CAMK4: variants seen among roughly 807,000 people sequenced by gnomAD.
CAMK4 encodes calcium/calmodulin-dependent protein kinase type IV.
CAMK4 carries 22 observed loss-of-function variants against 44.9 expected under a neutral mutation model. That is an observed-to-expected ratio of 0.49 (90% CI 0.35 to 0.70). The LOEUF (loss-of-function observed/expected upper bound fraction) is 0.70. Ranked by LOEUF, CAMK4 falls within the 30% of genes least tolerant of loss-of-function variation. The pLI is 0.01. For synonymous variants in CAMK4, 218 were observed against 215.4 expected (o/e 1.01, Z -0.11); for missense variants, 498 against 586.8 (o/e 0.85, Z 1.56).
At chr5:111,360,527 A>G (rs1185776312) in intron 2 of CAMK4, among the ~76,000 whole-genome samples, 1 of 152,114 alleles carries the variant, frequency 6.6e-6, no homozygotes, top group Non-Finnish European at 1.5e-5. Context: ...ATATCCTTTG[A>G]AACCGGACAG....
intron 9 of CAMK4, among the ~76,000 whole-genome samples, chr5:111,480,861 C>A (rs1251623969): frequency 1.3e-5 from 2 of 152,110 alleles, no homozygotes; most frequent in Non-Finnish European, 2.9e-5. Flanking sequence ...AGAGGGTTAG[C>A]TTTGATGTTC....
chr5:111,431,760 G>C (rs958857451), intron 5 of CAMK4, among the ~76,000 whole-genome samples: 2 of 152,032 alleles, frequency 1.3e-5, no homozygotes, highest in Non-Finnish European at 2.9e-5. Context: ...ATATGAAAAA[G>C]TACTCAACAT....
chr5:111,351,352 A>T (rs1212380767), intron 2 of CAMK4, among the ~76,000 whole-genome samples: 5 of 151,762 alleles, frequency 3.3e-5, no homozygotes, highest in Non-Finnish European at 7.4e-5. Flanking sequence ...ACAGGTACAC[A>T]TGTGTGCATA....
intron 1 of CAMK4, among the ~76,000 whole-genome samples, chr5:111,308,362 A>G (rs1380760341): frequency 1.3e-5 from 2 of 152,220 alleles, no homozygotes; most frequent in Non-Finnish European, 2.9e-5. Flanking sequence ...GGGCTCAGAA[A>G]TCCAAATATA....
rs535218431 is a variant in CAMK4, at chr5:111,368,901, T to C, written c.241-5949T>C. Reference sequence around the variant, plus strand: ...ATTCAGAGAAGCAGAAATGAGACTATATTGACATTTTTCTTTCATTTAAAT... The same window carrying C: ...ATTCAGAGAAGCAGAAATGAGACTACATTGACATTTTTCTTTCATTTAAAT... On this transcript the variant is annotated intron_variant, in intron 2 of 10. Coordinates refer to ENST00000282356, the MANE Select transcript of CAMK4 (RefSeq NM_001744.6). 5.7e-4 allele frequency among the ~76,000 whole-genome samples: 86 copies of C among 152,072 alleles called. 1 individual carries two copies. The highest frequency in any genetic ancestry group is 2.0e-3 in the African/African-American group (84 of 41,530).
intron 1 of CAMK4, among the ~76,000 whole-genome samples, chr5:111,280,497 A>G (rs1316135463): frequency 5.3e-5 from 8 of 152,212 alleles, no homozygotes; most frequent in African/African-American, 1.9e-4. Context: ...CTGCTTCTCT[A>G]TCATGCTGCC....
At chr5:111,353,947 TATCAAAATTCC>T (rs539532239) in intron 2 of CAMK4, among the ~76,000 whole-genome samples, 80 of 152,204 alleles carry the variant, frequency 5.3e-4, no homozygotes, top group African/African-American at 1.7e-3. Flanking sequence ...GTGCAATCCC[TATCAAAATTCC>T]AGTGAATCCA....
intron 5 of CAMK4, among the ~76,000 whole-genome samples, chr5:111,421,882 A>G (rs1353923335): frequency 3.3e-5 from 5 of 152,158 alleles, no homozygotes; most frequent in African/African-American, 1.2e-4. Flanking sequence ...ATGATAGTGA[A>G]TAAGTCTCAC....
upstream of CAMK4, chr5:111,223,766 G>C (rs1748029631): frequency 6.5e-6 from 1 of 152,686 alleles, no homozygotes; most frequent in Non-Finnish European, 1.5e-5. This position sits in a 1 kb window ranked among gnomAD's most constrained non-coding sequence, Gnocchi z 4.3. Context: ...ACTGGGTCCA[G>C]GCACAGGAGC....
intron 5 of CAMK4, among the ~76,000 whole-genome samples, chr5:111,416,974 C>G (rs1406154121): frequency 6.6e-6 from 1 of 152,088 alleles, no homozygotes; most frequent in Non-Finnish European, 1.5e-5. Flanking sequence ...TTCCAAAAGA[C>G]TAGTCATGAT....
chr5:111,401,234 G>A (rs575625557), intron 5 of CAMK4, among the ~76,000 whole-genome samples: 4 of 152,262 alleles, frequency 2.6e-5, no homozygotes, highest in Non-Finnish European at 5.9e-5. Context: ...TGCCTCCTGG[G>A]TTCAAGCAGT....
chr5:111,394,794 G>A lies in CAMK4; in HGVS notation c.459+12G>A. ...TGGAGGCAGTTGCTGTAAGTATGAA[G>A]TAACAGCAATGGTGTAACTCTTAGT... On this transcript the variant is annotated intron_variant, in intron 5 of 10. Coordinates refer to ENST00000282356, the MANE Select transcript of CAMK4 (RefSeq NM_001744.6). 4 of 1,554,938 alleles carry A rather than the reference G, an allele frequency of 2.6e-6. No homozygotes were observed. The South Asian group carries it at 4.5e-5, about 17-fold the overall frequency.
In CAMK4 at chr5:111,282,417, A is replaced by G. The variant is rs57810064; in HGVS notation, c.161+57773A>G. 6.7e-3 allele frequency among the ~76,000 whole-genome samples: 1,002 copies of G among 150,598 alleles called. 18 individuals carry two copies. Among genetic ancestry groups the G allele is most frequent in the African/African-American group, 0.023 (964 of 41,042 alleles). The stretch of plus-strand genomic sequence containing the variant: ...TGCTCTTGGCCAATTTTTCTAGTAT[A>G]CATTGCTTGAAAAAATATCAGTACT... On this transcript the variant is annotated intron_variant, in intron 1 of 10. Transcript: ENST00000282356.
chr5:111,435,638 T>C (rs186727786), intron 5 of CAMK4, among the ~76,000 whole-genome samples: 10 of 152,346 alleles, frequency 6.6e-5, no homozygotes, highest in Non-Finnish European at 1.0e-4. Flanking sequence ...TTTACTTTTG[T>C]GCTCCAATCT....
At chr5:111,344,206 A>G in intron 2 of CAMK4, 104 bp downstream of exon 2, 1 of 658,098 alleles carries the variant, frequency 1.5e-6, no homozygotes, top group South Asian at 1.9e-5. Context: ...GCTGTGTGCA[A>G]ATAACCCATT....
At chr5:111,355,651 C>T (rs1021326029) in intron 2 of CAMK4, among the ~76,000 whole-genome samples, 2 of 123,270 alleles carry the variant, frequency 1.6e-5, no homozygotes, top group East Asian at 2.4e-4. Context: ...ATCCCTCCCC[C>T]CTCCCCACAC....
intron 1 of CAMK4, among the ~76,000 whole-genome samples, chr5:111,250,797 A>C (rs896383833): frequency 6.6e-6 from 1 of 151,872 alleles, no homozygotes; most frequent in African/African-American, 2.4e-5. Context: ...CCTACCCTTC[A>C]GTTTTCTCAT....
chr5:111,467,672 G>T (rs1178196460), intron 7 of CAMK4, among the ~76,000 whole-genome samples: 1 of 152,158 alleles, frequency 6.6e-6, no homozygotes, highest in Non-Finnish European at 1.5e-5. Context: ...ACTCCTGCAA[G>T]AATGGCTATA....
At chr5:111,379,115 A>T (rs933120278) in intron 4 of CAMK4, among the ~76,000 whole-genome samples, 4 of 152,144 alleles carry the variant, frequency 2.6e-5, no homozygotes, top group Non-Finnish European at 5.9e-5. Context: ...TTTCTCTGCT[A>T]ATTATGGTCT....
Sources: allele counts gnomAD v4.1 joint callset (sites outside exome capture counted in the v4.1 genomes callset), GRCh38; gene constraint gnomAD v4.1.1; non-coding constraint Gnocchi (gnomAD v3.1); transcripts MANE v1.5; gene names NCBI Gene and HGNC (gene_info 2026-07-23, HGNC 2026-07-21).